The following TMEM165 variants were observed in gnomAD, a reference collection of about 807,000 sequenced individuals.
TMEM165 encodes the protein putative divalent cation/proton antiporter TMEM165.
TMEM165 carries 19 observed loss-of-function variants against 30.0 expected under a neutral mutation model. The ratio of observed to expected loss-of-function variants is 0.63; its 90% CI spans 0.44 to 0.93. The LOEUF is 0.93. TMEM165 is among the 40% of genes least tolerant of loss of function. The pLI, the probability that TMEM165 is intolerant of heterozygous loss-of-function variation, is 0.00. For missense variants in TMEM165, 340 were observed against 417.0 expected, an observed-to-expected ratio of 0.82 and a Z score of 1.61; for synonymous variants, 168 against 162.9, an observed-to-expected ratio of 1.03 and a Z score of -0.24.
chr4:55,438,566 G>C, intron 3 of TMEM165: 1 of 1,612,254 alleles, frequency 6.2e-7, no homozygotes, highest in African/African-American at 1.3e-5. Flanking sequence ...AAAAAAATTG[G>C]AGTCCAAAGT....
Position 55,417,994 on chromosome 4 carries a change from T to TA in TMEM165, c.792+10dup. 2 of 1,598,960 alleles carry TA rather than the reference T, an allele frequency of 1.3e-6. No homozygotes were observed. The highest frequency in any genetic ancestry group is 1.7e-6 in the Non-Finnish European group (2 of 1,174,032). ...TATTGGCAGCTAGAGAGGTGAGTGA[T>TA]ATTTGAGAGGAGACTGTTTAAAATG... On this transcript the variant is annotated intron_variant, in intron 4 of 5. Transcript: ENST00000381334.
downstream of TMEM165, chr4:55,429,646 T>C (rs1188073849): frequency 2.0e-5 from 3 of 152,196 alleles, no homozygotes; most frequent in African/African-American, 7.2e-5. Flanking sequence ...TTTCTTTTAC[T>C]AACATTTCCC....
At chr4:55,419,315 A>G (rs1169639144) in intron 4 of TMEM165, among the ~76,000 whole-genome samples, 1 of 152,100 alleles carries the variant, frequency 6.6e-6, no homozygotes, top group Non-Finnish European at 1.5e-5. Flanking sequence ...GTTTCTGTGT[A>G]GGAACTTTTT....
At chr4:55,450,547 C>A (rs913117917) in intron 3 of TMEM165, among the ~76,000 whole-genome samples, 2 of 152,132 alleles carry the variant, frequency 1.3e-5, no homozygotes, top group South Asian at 4.1e-4. Flanking sequence ...GCAGGCAGAT[C>A]ACCTGAGGTC....
At chr4:55,398,806 A>G (rs1720834224) in intron 1 of TMEM165, 1 of 151,174 alleles carries the variant, frequency 6.6e-6, no homozygotes, top group African/African-American at 2.4e-5. Context: ...AAGTAGTTGC[A>G]TGTCAAGTTT....
intron 2 of TMEM165, among the ~76,000 whole-genome samples, chr4:55,413,804 A>T (rs187648966): frequency 6.6e-6 from 1 of 152,352 alleles, no homozygotes; most frequent in African/African-American, 2.4e-5. Context: ...GTGTATATAT[A>T]CACGTTGTTT....
At chr4:55,425,320 A>G in intron 5 of TMEM165, 56 bp from the exon 6 acceptor site, 1 of 1,408,624 alleles carries the variant, frequency 7.1e-7, no homozygotes, top group Non-Finnish European at 9.9e-7. Flanking sequence ...TTCATTTTGT[A>G]CAGTATCAAG....
intron 2 of TMEM165, chr4:55,412,847 G>T (rs891543259): frequency 2.6e-5 from 4 of 151,944 alleles, no homozygotes; most frequent in Non-Finnish European, 5.9e-5. Flanking sequence ...AATCTCTTAA[G>T]TGTTAACTCT....
chr4:55,452,937 C>A, exon 4 of TMEM165: 1 of 738,950 alleles, frequency 1.4e-6, no homozygotes, highest in South Asian at 1.8e-5. Context: ...AATCACATCC[C>A]CGTTATAAGT....
chr4:55,427,656 T>TAACA (rs758341462), downstream of TMEM165, among the ~76,000 whole-genome samples: 7 of 152,170 alleles, frequency 4.6e-5, no homozygotes, highest in African/African-American at 1.2e-4. Context: ...TTTTTTCTAA[T>TAACA]AACAACAGAA....
rs1242861724 is a variant in TMEM165, at chr4:55,417,969, T to C, written c.776T>C (p.Val259Ala). The change falls in exon 4 of 6, where the codon GTA (valine) becomes GCA (alanine). Residue 259 changes from valine (V) to alanine (A), a missense_variant. By Grantham distance (64) the Val-to-Ala change is moderately conservative (BLOSUM62 0). This residue lies in a region of TMEM165 where 220 missense variants were observed against 307.6 expected (regional missense o/e 0.72). Coordinates refer to ENST00000381334, the MANE Select transcript of TMEM165 (RefSeq NM_018475.5). ...WGDRSQLTTIVLAAREDPYGV... is the reference protein window; with the variant it reads ...WGDRSQLTTIALAAREDPYGV... The stretch of plus-strand genomic sequence containing the variant: ...GATCGCTCTCAACTAACTACAATTG[T>C]ATTGGCAGCTAGAGAGGTGAGTGAT... The C allele has an allele frequency of 1.9e-6, 3 of 1,609,732 alleles. No individual in the cohort carries two copies. The highest frequency in any genetic ancestry group is 1.7e-5 in the Admixed American group (1 of 58,970).
At chr4:55,442,455 T>C in intron 3 of TMEM165, 1 of 1,609,366 alleles carries the variant, frequency 6.2e-7, no homozygotes, top group South Asian at 1.1e-5. Context: ...CCTGAGTGAA[T>C]GTAGTTACTG....
chr4:55,418,490 C>T (rs1578241072), intron 4 of TMEM165, among the ~76,000 whole-genome samples: 1 of 150,320 alleles, frequency 6.7e-6, no homozygotes, highest in East Asian at 2.0e-4. Flanking sequence ...CGCCACTGCA[C>T]TCCAGCCTTG....
At chr4:55,442,342 C>A in intron 3 of TMEM165, 1 of 1,133,098 alleles carries the variant, frequency 8.8e-7, no homozygotes. Context: ...ATTAAAATCA[C>A]ATTAAAAAAT....
chr4:55,407,048 G>C (rs1237122780), intron 1 of TMEM165, among the ~76,000 whole-genome samples: 1 of 152,226 alleles, frequency 6.6e-6, no homozygotes, highest in African/African-American at 2.4e-5. Context: ...GAGTGTTTCT[G>C]TCTTGAACTT....
intron 3 of TMEM165, among the ~76,000 whole-genome samples, chr4:55,445,592 T>C (rs1723758198): frequency 8.4e-6 from 1 of 119,332 alleles, no homozygotes; most frequent in Admixed American, 9.0e-5. Context: ...CTTTTTTTTT[T>C]TTTTTTTTTT....
At chr4:55,434,368 T>G (rs1021668957) in intron 3 of TMEM165, 2 of 152,620 alleles carry the variant, frequency 1.3e-5, no homozygotes, top group African/African-American at 4.8e-5. Context: ...TGTGTGCAAA[T>G]TTTACCTCTA....
intron 1 of TMEM165, among the ~76,000 whole-genome samples, chr4:55,398,461 A>G (rs910242703): frequency 2.0e-5 from 3 of 152,200 alleles, no homozygotes; most frequent in African/African-American, 7.2e-5. Context: ...TCTGTGCCTT[A>G]CTAAGTTTTA....
At position 55,443,909 on chromosome 4, in the gene TMEM165, A is replaced by G. The variant is rs771750590; in HGVS notation, c.409-8330A>G. ...GTTGCAAAAACATCTTTAAAAATAA[A>G]GATTATGTTAAAATGAGCTTTGTAG... On this transcript the variant is annotated intron_variant, in intron 3 of 3. Coordinates refer to the TMEM165 transcript ENST00000608091. 11 of 1,607,750 alleles carry G rather than the reference A, an allele frequency of 6.8e-6. No individual in the cohort carries two copies. The South Asian group carries it at 1.2e-4, about 18-fold the overall frequency.
Sources: allele counts gnomAD v4.1 joint callset (sites outside exome capture counted in the v4.1 genomes callset), GRCh38; gene constraint gnomAD v4.1.1; regional missense constraint gnomAD v4.1.1; transcripts MANE v1.5; gene names NCBI Gene and HGNC (gene_info 2026-07-23, HGNC 2026-07-21).